Variants in MCC observed in about 807,000 individuals in gnomAD.
MCC encodes colorectal mutant cancer protein.
Under a neutral mutation model 116.2 loss-of-function variants are expected in MCC, and 90 were observed. The ratio of observed to expected loss-of-function variants is 0.77; its 90% CI spans 0.65 to 0.92. The LOEUF is 0.92. Among genes scored for constraint, MCC ranks in the 40% least tolerant of loss-of-function variants. The pLI is 0.00. For missense variants in MCC, 1,516 were observed against 1,312.2 expected (o/e 1.16, Z -2.40); for synonymous variants, 578 against 510.5 (o/e 1.13, Z -1.78).
chr5:113,162,027 G>GGAGA (rs146197285), intron 3 of MCC, among the ~76,000 whole-genome samples: 9,012 of 152,206 alleles, frequency 0.059, 369 homozygotes, highest in East Asian at 0.17. Context: ...CACCAGGAGA[G>GGAGA]GAGGAGACAC....
intron 3 of MCC, among the ~76,000 whole-genome samples, chr5:113,307,153 A>G (rs1641205882): frequency 6.6e-6 from 1 of 152,172 alleles, no homozygotes; most frequent in Admixed American, 6.5e-5. Flanking sequence ...TTGCATTTCA[A>G]AGAATTTTAG....
chr5:113,066,159 G>C (rs1753587530), intron 13 of MCC, among the ~76,000 whole-genome samples: 1 of 152,176 alleles, frequency 6.6e-6, no homozygotes, highest in Non-Finnish European at 1.5e-5. Context: ...TTAAAAGGCA[G>C]ATTTATTTAA....
At chr5:113,099,484 T>C (rs72803244) in intron 8 of MCC, among the ~76,000 whole-genome samples, 22,244 of 152,258 alleles carry the variant, frequency 0.15, 1,843 homozygotes, top group South Asian at 0.22. Context: ...TCCAAAGAAC[T>C]ACTACTAATT....
intron 3 of MCC, among the ~76,000 whole-genome samples, chr5:113,309,558 T>C (rs1231455282): frequency 6.6e-6 from 1 of 152,238 alleles, no homozygotes; most frequent in Non-Finnish European, 1.5e-5. Context: ...TTTTTTCCAA[T>C]GGCTCAGTAG....
intron 6 of MCC, among the ~76,000 whole-genome samples, chr5:113,119,888 G>A (rs1333774707): frequency 6.6e-6 from 1 of 152,198 alleles, no homozygotes; most frequent in East Asian, 1.9e-4. Flanking sequence ...GCCCCATGGC[G>A]CAGATAGGTG....
intron 3 of MCC, among the ~76,000 whole-genome samples, chr5:113,247,370 G>C (rs186383196): frequency 6.6e-6 from 1 of 152,294 alleles, no homozygotes; most frequent in East Asian, 1.9e-4. Flanking sequence ...ACCTTGGAAT[G>C]ATGGCTCATG....
At chr5:113,467,665 G>A (rs567630423) in intron 1 of MCC, among the ~76,000 whole-genome samples, 6 of 152,200 alleles carry the variant, frequency 3.9e-5, no homozygotes, top group South Asian at 2.1e-4. Context: ...TTGGCGACAC[G>A]GGCTCTTTTT....
chr5:113,068,703 T>G (rs938738227), intron 12 of MCC, among the ~76,000 whole-genome samples: 4 of 152,226 alleles, frequency 2.6e-5, no homozygotes, highest in African/African-American at 9.6e-5. Context: ...CTGTCGTGTC[T>G]TCAAGATTCT....
chr5:113,421,320 C>T (rs970749068), intron 1 of MCC, among the ~76,000 whole-genome samples: 2 of 152,042 alleles, frequency 1.3e-5, no homozygotes, highest in Non-Finnish European at 2.9e-5. Context: ...CCACTGCACC[C>T]GGCCTCTGCA....
chr5:113,202,947 C>A (rs1226339285), intron 3 of MCC, among the ~76,000 whole-genome samples: 9 of 152,152 alleles, frequency 5.9e-5, no homozygotes, highest in Admixed American at 4.6e-4. Flanking sequence ...AAATTGCACC[C>A]AATCCGGCAA....
intron 1 of MCC, among the ~76,000 whole-genome samples, chr5:113,480,679 T>A (rs1451922477): frequency 6.6e-6 from 1 of 152,224 alleles, no homozygotes. Context: ...GTTTGCTGCA[T>A]CCCTAAATAT....
At chr5:113,466,283 C>G (rs1221332297) in intron 1 of MCC, among the ~76,000 whole-genome samples, 1 of 151,576 alleles carries the variant, frequency 6.6e-6, no homozygotes, top group African/African-American at 2.4e-5. Context: ...GCTGCACCCA[C>G]CAACTCGTCA....
intron 1 of MCC, among the ~76,000 whole-genome samples, chr5:113,398,253 A>G (rs562085785): frequency 9.2e-5 from 14 of 152,344 alleles, no homozygotes; most frequent in Admixed American, 8.5e-4. Context: ...AAATTAGTTC[A>G]GCCACTGTGG....
intron 5 of MCC, among the ~76,000 whole-genome samples, chr5:113,133,754 G>C (rs1451985008): frequency 2.0e-5 from 3 of 152,144 alleles, no homozygotes; most frequent in African/African-American, 7.2e-5. Flanking sequence ...GAGTGTATGA[G>C]ACTTCCTCTT....
At chr5:113,169,074 A>C (rs557458686) in intron 3 of MCC, among the ~76,000 whole-genome samples, 4 of 152,050 alleles carry the variant, frequency 2.6e-5, no homozygotes, top group Non-Finnish European at 5.9e-5. Context: ...CCTTAAAGAA[A>C]TCTTGAAACT....
chr5:113,274,019 C>T (rs368285289), intron 3 of MCC, among the ~76,000 whole-genome samples: 13 of 152,192 alleles, frequency 8.5e-5, no homozygotes, highest in African/African-American at 1.4e-4. Flanking sequence ...CACAGAAAAA[C>T]GCTGGCTTCT....
intron 6 of MCC, among the ~76,000 whole-genome samples, chr5:113,113,726 ATGATACCACTAACC>A (rs1417231019): frequency 1.3e-5 from 2 of 151,488 alleles, no homozygotes; most frequent in Non-Finnish European, 2.9e-5. Flanking sequence ...GGGACATTCT[ATGATACCACTAACC>A]TGATAACACT....
chr5:113,131,253 T>C (rs1758410746), intron 5 of MCC, among the ~76,000 whole-genome samples: 2 of 152,160 alleles, frequency 1.3e-5, no homozygotes, highest in Admixed American at 1.3e-4. Flanking sequence ...GAAATCCTTT[T>C]TTATTTTCTT....
chr5:113,287,265 A>C (rs927724512), intron 3 of MCC, among the ~76,000 whole-genome samples: 6 of 152,168 alleles, frequency 3.9e-5, no homozygotes, highest in Non-Finnish European at 5.9e-5. Context: ...AGATGGCTTA[A>C]AATATAATTT....
Sources: allele counts gnomAD v4.1 joint callset (sites outside exome capture counted in the v4.1 genomes callset), GRCh38; gene constraint gnomAD v4.1.1; transcripts MANE v1.5; gene names NCBI Gene and HGNC (gene_info 2026-07-23, HGNC 2026-07-21).